Variants in ADCY10 observed in about 807,000 individuals in gnomAD.
The protein encoded by ADCY10 is adenylate cyclase type 10.
A neutral mutation model predicts 183.3 loss-of-function variants in ADCY10; 156 were observed. The observed-to-expected ratio is 0.85, with a 90% confidence interval of 0.75 to 0.97. The LOEUF (loss-of-function observed/expected upper bound fraction) is 0.97, where lower values mean the gene tolerates loss of function less well. Ranked by LOEUF, ADCY10 falls within the 50% of genes least tolerant of loss-of-function variation. The pLI is 0.00. For missense variants in ADCY10, 1,745 were observed against 1,934.3 expected (o/e 0.90, Z 1.84); for synonymous variants, 645 against 670.0 (o/e 0.96, Z 0.58).
intron 14 of ADCY10, among the ~76,000 whole-genome samples, chr1:167,868,275 A>T (rs572153520): frequency 1.1e-4 from 17 of 152,338 alleles, no homozygotes; most frequent in Admixed American, 5.2e-4. Context: ...AAGCCCGAGA[A>T]TTAGTGCCTA....
Position 167,870,402 on chromosome 1 carries a change from T to A in ADCY10, c.1471A>T (p.Lys491Ter), listed in dbSNP as rs1667015446. The A allele has an allele frequency of 6.2e-7, 1 of 1,608,200 alleles. No homozygotes were observed. The highest frequency in any genetic ancestry group is 1.1e-5 in the South Asian group (1 of 90,852). The part of the protein sequence containing the change: ...KEDYPLLGRN[K>*]EINYFMYTMK... ...GTATACATGAAGTAGTTGATCTCTT[T>A]ATTACGTCCTGTTATTTTTAGTTTT... Residue 491 changes from lysine to a stop codon, truncating the protein, a stop_gained, in exon 14 of 33, where the codon AAA becomes TAA. Coordinates refer to ENST00000367851, the MANE Select transcript of ADCY10 (RefSeq NM_018417.6). LOFTEE classifies it high-confidence loss of function.
chr1:167,864,279 TACTAGAA>T (rs1666510438), intron 14 of ADCY10, among the ~76,000 whole-genome samples: 1 of 152,200 alleles, frequency 6.6e-6, no homozygotes, highest in Admixed American at 6.5e-5. Context: ...AAGCCCACCC[TACTAGAA>T]ACTATGTTGA....
At chr1:167,818,895 TG>T (rs936407924) in intron 30 of ADCY10, among the ~76,000 whole-genome samples, 9 of 152,294 alleles carry the variant, frequency 5.9e-5, no homozygotes, top group African/African-American at 1.7e-4. Context: ...CTGTGGATTC[TG>T]GGGCTTGAAG....
intron 22 of ADCY10, among the ~76,000 whole-genome samples, 166 bp from the exon 23 acceptor site, chr1:167,836,706 C>G (rs1366999264): frequency 6.6e-6 from 1 of 151,854 alleles, no homozygotes; most frequent in Non-Finnish European, 1.5e-5. Context: ...CCTGGCCAAC[C>G]TGGTGAAACC....
Position 167,836,519 on chromosome 1 carries a change from C to G in ADCY10, c.3099G>C (p.Lys1033Asn), listed in dbSNP as rs141514440. 1.9e-6 allele frequency: 3 copies of G among 1,610,286 alleles called. No individual in the cohort carries two copies. The African/African-American group carries it at 4.0e-5, about 22-fold the overall frequency. ...ENRSPEEIRE[K>N]ILNFFDHVLT... ...AAACGTGGTCAAAGAAATTCAAGAT[C>G]TTTTCTCTTATTTCTTCAGGACTGT... Residue 1033 changes from lysine to asparagine, a missense_variant, in exon 23 of 33, where the codon AAG (lysine) becomes AAC (asparagine). Physicochemically the swap from Lys to Asn is moderately conservative, Grantham distance 94. Transcript: ENST00000367851.
chr1:167,833,735 A>T (rs1663965314), intron 24 of ADCY10, among the ~76,000 whole-genome samples: 1 of 135,812 alleles, frequency 7.4e-6, no homozygotes. Flanking sequence ...ACACAGCAAG[A>T]CTCCCTCTCA....
chr1:167,810,765 T>C lies in ADCY10; in HGVS notation c.4631A>G (p.Gln1544Arg). ...CCAGCATTTCTCCAGTATATTCCCC[T>C]GTGTTTCAGAGAGCCGCAAGGCTGT... ...LNTALRLSET[Q>R]GNILEKCWLN... Residue 1544 changes from glutamine to arginine, a missense_variant, in exon 32 of 33, where the codon CAG (glutamine) becomes CGG (arginine). Transcript: ENST00000367851. The C allele has an allele frequency of 6.2e-7, 1 of 1,614,218 alleles. No homozygotes were observed. The highest frequency in any genetic ancestry group is 8.5e-7 in the Non-Finnish European group (1 of 1,180,042).
chr1:167,836,274 C>T (rs1472619967), intron 23 of ADCY10, 35 bp downstream of exon 23: 1 of 1,406,300 alleles, frequency 7.1e-7, no homozygotes, highest in Non-Finnish European at 1.0e-6. Flanking sequence ...TGAATTGTCT[C>T]TAGGGTGGAG....
rs759231445 is a variant in ADCY10 at position 167,878,535 on chromosome 1, C to A, written c.1317G>T (p.Ala439=). ...SVTYNGSNLP[A]YFFKELPKKV... The stretch of plus-strand genomic sequence containing the variant: ...TCTTTGGAAGCTCTTTAAAAAAGTA[C>A]GCTGGTAGGTTGCTCCCATTGTAGG... Residue 439 remains alanine, a synonymous_variant, in exon 12 of 33, where the codon GCG becomes GCT. Coordinates refer to ENST00000367851, the MANE Select transcript of ADCY10 (RefSeq NM_018417.6). 18 of 1,614,100 alleles carry A rather than the reference C, an allele frequency of 1.1e-5. No homozygotes were observed. Among genetic ancestry groups the A allele is most frequent in the Admixed American group, 5.0e-5 (3 of 60,010 alleles).
intron 8 of ADCY10, among the ~76,000 whole-genome samples, chr1:167,892,840 T>C (rs750011082): frequency 6.6e-6 from 1 of 152,200 alleles, no homozygotes; most frequent in Non-Finnish European, 1.5e-5. Context: ...GTGGATAGCC[T>C]GTGCAAAAAT....
intron 14 of ADCY10, among the ~76,000 whole-genome samples, chr1:167,863,376 C>CT (rs1361845651): frequency 5.9e-5 from 9 of 152,152 alleles, no homozygotes; most frequent in African/African-American, 2.2e-4. Context: ...GTCACGTACC[C>CT]CCTGGCTTAC....
chr1:167,901,338 G>C (rs1391851907), intron 5 of ADCY10, among the ~76,000 whole-genome samples: 2 of 152,108 alleles, frequency 1.3e-5, no homozygotes, highest in African/African-American at 4.8e-5. Flanking sequence ...GCACAACCTT[G>C]ACAAGCAGCA....
rs548667740 is a variant in ADCY10, at chr1:167,824,366, T to C, written c.4052+110A>G. On this transcript the variant is annotated intron_variant, in intron 28 of 32. Transcript: ENST00000367851. ...ACTACTATCAGTTACATTTTCTTAC[T>C]GCAAACTCTACTCCCTTCCCCACCC... 8.8e-6 allele frequency: 8 copies of C among 906,506 alleles called. No homozygotes were observed. The African/African-American group carries it at 9.8e-5, about 11-fold the overall frequency. The allele number at this position is 906,506 out of a possible 1,614,324, so 56.2% of individuals were successfully genotyped here.
chr1:167,845,518 A>AC, intron 21 of ADCY10, 45 bp downstream of exon 21: 1 of 1,602,400 alleles, frequency 6.2e-7, no homozygotes, highest in South Asian at 1.1e-5. Context: ...TAGTCTCTAG[A>AC]TTTCCCAAGA....
chr1:167,843,316 C>A (rs1457915053), intron 21 of ADCY10, among the ~76,000 whole-genome samples: 1 of 152,006 alleles, frequency 6.6e-6, no homozygotes, highest in Non-Finnish European at 1.5e-5. Context: ...ATCAATCTAC[C>A]AAAAAATGCA....
chr1:167,865,116 GCCT>G (rs1459956267), intron 14 of ADCY10, among the ~76,000 whole-genome samples: 1 of 152,058 alleles, frequency 6.6e-6, no homozygotes, highest in Non-Finnish European at 1.5e-5. Context: ...AAGTAATAAG[GCCT>G]CCTGAGTACT....
chr1:167,850,449 T>C (rs1268551351), intron 18 of ADCY10, among the ~76,000 whole-genome samples: 2 of 151,976 alleles, frequency 1.3e-5, no homozygotes, highest in African/African-American at 4.8e-5. Flanking sequence ...GGCTGAGAAA[T>C]AGATGAGTAA....
Position 167,856,149 on chromosome 1 carries a change from G to GA in ADCY10, c.2171+15dup. 1 of 1,613,880 alleles carries GA rather than the reference G, an allele frequency of 6.2e-7. No homozygotes were observed. The highest frequency in any genetic ancestry group is 8.5e-7 in the Non-Finnish European group (1 of 1,179,766). On this transcript the variant is annotated intron_variant, in intron 17 of 32. Transcript: ENST00000367851. ...ATGCAGATGTCGAGAGTTCAGAATA[G>GA]AAAGAGGTTACTTACGAGTCCAGTT...
intron 29 of ADCY10, 101 bp downstream of exon 29, chr1:167,822,906 AG>A: frequency 1.0e-6 from 1 of 996,546 alleles, no homozygotes. Context: ...TCCACCAGCC[AG>A]AAACCTAGTG....
Sources: gnomAD v4.1 joint callset for allele counts (sites outside exome capture counted in the v4.1 genomes callset) on GRCh38, gnomAD v4.1.1 for gene constraint, MANE v1.5 for transcripts, NCBI Gene and HGNC (gene_info 2026-07-23, HGNC 2026-07-21) for gene names.